The following DNASE1 variants were observed in gnomAD, a reference collection of about 807,000 sequenced individuals.
The protein encoded by DNASE1 is deoxyribonuclease 1, also known as deoxyribonuclease-1.
In DNASE1, 40 loss-of-function variants were observed where a neutral mutation model predicts 33.9. That is an observed-to-expected ratio of 1.18 (90% CI 0.92 to 1.54). The LOEUF is 1.54. Among genes scored for constraint, DNASE1 ranks in the 40% most tolerant of loss-of-function variants. The probability of loss-of-function intolerance (pLI) is 0.00; values close to 1 mark genes in which losing one functional copy is unlikely to be tolerated. For missense variants in DNASE1, 518 were observed against 372.6 expected (o/e 1.39, Z -3.21); for synonymous variants, 216 against 160.0 (o/e 1.35, Z -2.64).
chr16:3,662,805 G>A, downstream of DNASE1: 2 of 1,423,050 alleles, frequency 1.4e-6, no homozygotes, highest in South Asian at 1.2e-5. Context: ...AACGGGCCAG[G>A]TACTGGGAGC....
rs372562851 is a variant in DNASE1, at chr16:3,664,410, C to T, written c.*6457C>T. 3 of 1,612,230 alleles carry T rather than the reference C, an allele frequency of 1.9e-6. No individual in the cohort carries two copies. Among genetic ancestry groups the T allele is most frequent in the Non-Finnish European group, 2.5e-6 (3 of 1,179,384 alleles). On this transcript the variant is annotated 3_prime_UTR_variant, in exon 10 of 10. Coordinates refer to the DNASE1 transcript ENST00000407479. ...GTATTCTGAGAGGCTGGTTAGCTGCCCGGAGGGCAGCGCCGAGGACTCGTA... is the reference window on the plus strand; with the variant it reads ...GTATTCTGAGAGGCTGGTTAGCTGCTCGGAGGGCAGCGCCGAGGACTCGTA...
chr16:3,628,725 A>T (rs2041602815), intron 1 of DNASE1, among the ~76,000 whole-genome samples: 1 of 150,574 alleles, frequency 6.6e-6, no homozygotes. Flanking sequence ...CGCCCGGCTA[A>T]TTTTTTTGTA....
At chr16:3,623,037 C>T (rs979783714) in intron 1 of DNASE1, among the ~76,000 whole-genome samples, 5 of 152,088 alleles carry the variant, frequency 3.3e-5, no homozygotes, top group Non-Finnish European at 7.4e-5. Context: ...AATGTACCTG[C>T]CCCCCACGTC....
chr16:3,652,098 A>G (rs1302706508), upstream of DNASE1: 1 of 152,402 alleles, frequency 6.6e-6, no homozygotes, highest in South Asian at 2.1e-4. Context: ...CGCCATTTGT[A>G]CAAGCGAGGC....
chr16:3,640,406 C>G (rs75524122), upstream of DNASE1, among the ~76,000 whole-genome samples: 1 of 152,194 alleles, frequency 6.6e-6, no homozygotes, highest in Non-Finnish European at 1.5e-5. Flanking sequence ...CTGCAGGTTC[C>G]GGCTGAGTTT....
At chr16:3,649,736 A>C (rs1447630983), upstream of DNASE1, among the ~76,000 whole-genome samples, 2 of 152,176 alleles carry the variant, frequency 1.3e-5, no homozygotes, top group Non-Finnish European at 2.9e-5. Context: ...TTGTGTTTTT[A>C]TCTTGTGGCC....
chr16:3,642,493 C>T (rs1033175764), upstream of DNASE1, among the ~76,000 whole-genome samples: 1 of 152,126 alleles, frequency 6.6e-6, no homozygotes, highest in Non-Finnish European at 1.5e-5. Flanking sequence ...AACTGTGGCT[C>T]CAGAGCAGAA....
intron 1 of DNASE1, among the ~76,000 whole-genome samples, chr16:3,617,592 C>G (rs911729158): frequency 2.4e-4 from 37 of 152,198 alleles, no homozygotes; most frequent in African/African-American, 8.9e-4. Context: ...TCCCCCCACC[C>G]AATTCATATG....
intron 1 of DNASE1, among the ~76,000 whole-genome samples, chr16:3,612,549 C>CT (rs35085629): frequency 0.13 from 8,102 of 62,886 alleles, 830 homozygotes; most frequent in Non-Finnish European, 0.14. Flanking sequence ...CCGCTCACGG[C>CT]TTTTTTTTTT....
At chr16:3,635,457 C>CAAAAAAAAAA (rs753495578) in intron 1 of DNASE1, among the ~76,000 whole-genome samples, 2 of 59,678 alleles carry the variant, frequency 3.4e-5, no homozygotes, top group African/African-American at 6.5e-5. Context: ...GACTCTGTCT[C>CAAAAAAAAAA]AAAAAAAAAA....
chr16:3,663,039 C>T, downstream of DNASE1: 11 of 1,252,492 alleles, frequency 8.8e-6, no homozygotes, highest in Non-Finnish European at 1.2e-5. Flanking sequence ...GGCCACGCAG[C>T]ATGCTTCCAG....
chr16:3,615,190 A>G (rs1433683400), intron 1 of DNASE1, among the ~76,000 whole-genome samples: 1 of 152,194 alleles, frequency 6.6e-6, no homozygotes, highest in Non-Finnish European at 1.5e-5. Flanking sequence ...GAAGCACTGC[A>G]TTTAACCAGC....
At chr16:3,619,345 TTTTC>T (rs1313319224) in intron 1 of DNASE1, among the ~76,000 whole-genome samples, 1 of 148,480 alleles carries the variant, frequency 6.7e-6, no homozygotes, top group Non-Finnish European at 1.5e-5. Context: ...CTGTGGGTAA[TTTTC>T]TTTCTTTCTT....
At position 3,657,295 on chromosome 16, in the gene DNASE1, G is replaced by A. The variant is rs774087461; in HGVS notation, c.658G>A (p.Asp220Asn). 3.4e-5 allele frequency: 55 copies of A among 1,613,742 alleles called. No homozygotes were observed. Among genetic ancestry groups the A allele is most frequent in the Non-Finnish European group, 4.2e-5 (49 of 1,180,018 alleles). Reference sequence around the variant, plus strand: ...CCCCACCTTCCAGTGGCTGATCCCCGACAGCGCTGACACCACAGCTACACC... The same window carrying A: ...CCCCACCTTCCAGTGGCTGATCCCCAACAGCGCTGACACCACAGCTACACC... ...TSPTFQWLIPDSADTTATPTH... is the reference protein window; with the variant it reads ...TSPTFQWLIPNSADTTATPTH... Residue 220 changes from aspartate to asparagine, a missense_variant, in exon 7 of 9, where the codon GAC (aspartate) becomes AAC (asparagine). Asp to Asn is a conservative substitution (Grantham distance 23, BLOSUM62 1). Coordinates refer to ENST00000246949, the MANE Select transcript of DNASE1 (RefSeq NM_005223.4).
chr16:3,638,104 A>AGT (rs58884007), upstream of DNASE1, among the ~76,000 whole-genome samples: 40,976 of 143,348 alleles, frequency 0.29, 5,857 homozygotes, highest in East Asian at 0.36. Flanking sequence ...AGTTTTTGTG[A>AGT]GTGTGTGTGT....
chr16:3,655,208 C>A (rs371530723), intron 1 of DNASE1, among the ~76,000 whole-genome samples, 164 bp downstream of exon 1: 2 of 152,300 alleles, frequency 1.3e-5, no homozygotes, highest in East Asian at 3.9e-4. Context: ...TACGTGGTGC[C>A]AGCTGTTTGG....
exon 10 of DNASE1, chr16:3,663,176 A>C: frequency 1.5e-6 from 1 of 660,046 alleles, no homozygotes; most frequent in African/African-American, 1.8e-5. Flanking sequence ...CTTTAAAAAA[A>C]TACACAGCCT....
In DNASE1 at chr16:3,656,991, C is replaced by T. The variant is rs143161590; in HGVS notation, c.437-8C>T. The T allele has an allele frequency of 6.2e-7, 1 of 1,613,158 alleles. No individual in the cohort carries two copies. On this transcript the variant is annotated splice_region_variant and splice_polypyrimidine_tract_variant and intron_variant, in intron 5 of 8. Transcript: ENST00000246949. ...AGTGTGCCTCACACGACGTGGCTGT[C>T]TCCACAGAGGTCAGGGAGTTTGCCA...
intron 1 of DNASE1, among the ~76,000 whole-genome samples, chr16:3,633,012 A>AC (rs1206481924): frequency 1.3e-5 from 2 of 152,186 alleles, no homozygotes; most frequent in Non-Finnish European, 2.9e-5. Flanking sequence ...TCTTCTGAGA[A>AC]AGTCTTTATT....
Sources: gnomAD v4.1 joint callset for allele counts (sites outside exome capture counted in the v4.1 genomes callset) on GRCh38, gnomAD v4.1.1 for gene constraint, MANE v1.5 for transcripts, NCBI Gene and HGNC (gene_info 2026-07-23, HGNC 2026-07-21) for gene names.